CDH7: variants seen among roughly 807,000 people sequenced by gnomAD.
CDH7 encodes cadherin-7.
A neutral mutation model predicts 71.8 loss-of-function variants in CDH7; 25 were observed. The observed-to-expected ratio is 0.35, with a 90% CI of 0.25 to 0.49. The LOEUF (loss-of-function observed/expected upper bound fraction) is 0.49. Ranked by LOEUF, CDH7 falls within the 20% of genes least tolerant of loss-of-function variation. The pLI is 0.99. For synonymous variants in CDH7, 381 were observed against 363.8 expected, an observed-to-expected ratio of 1.05 and a Z score of -0.54; for missense variants, 862 against 974.6, an observed-to-expected ratio of 0.88 and a Z score of 1.54.
At chr18:65,869,265 T>C (rs141057634) in intron 11 of CDH7, among the ~76,000 whole-genome samples, 5 of 151,994 alleles carry the variant, frequency 3.3e-5, no homozygotes, top group African/African-American at 1.2e-4. Flanking sequence ...TCTACCATTC[T>C]CTATCAGAAC....
chr18:65,834,817 C>A (rs566818967), intron 6 of CDH7, among the ~76,000 whole-genome samples: 1 of 152,146 alleles, frequency 6.6e-6, no homozygotes. Context: ...TATTTTGGTT[C>A]ATTTTATCTG....
chr18:65,778,366 G>C (rs1910037655), intron 2 of CDH7, among the ~76,000 whole-genome samples: 1 of 151,094 alleles, frequency 6.6e-6, no homozygotes, highest in African/African-American at 2.4e-5. Context: ...GAACATGATG[G>C]GCTAAATTAC....
Position 65,881,127 on chromosome 18 carries a change from G to C in CDH7, c.*233G>C, listed in dbSNP as rs924774665. The C allele has an allele frequency of 5.2e-5, 20 of 386,718 alleles. No homozygotes were observed. Among genetic ancestry groups the C allele is most frequent in the Non-Finnish European group, 8.7e-5 (19 of 219,400 alleles). 24.0% of individuals were successfully genotyped at this position (386,718 alleles called of 1,614,324 possible). ...TGACCACAGACTCTGAGCATTTGAA[G>C]GTTTTTTGATAAAAATAAATGCTCA... On this transcript the variant is annotated 3_prime_UTR_variant, in exon 12 of 12. Coordinates refer to ENST00000397968, the MANE Select transcript of CDH7 (RefSeq NM_004361.5).
intron 2 of CDH7, among the ~76,000 whole-genome samples, chr18:65,786,411 G>C (rs991162834): frequency 6.6e-6 from 1 of 151,850 alleles, no homozygotes; most frequent in Admixed American, 6.6e-5. Context: ...GCCCACAACC[G>C]CCCCCCCAGT....
intron 2 of CDH7, among the ~76,000 whole-genome samples, chr18:65,779,232 T>C (rs1405011083): frequency 6.2e-5 from 9 of 145,294 alleles, no homozygotes; most frequent in African/African-American, 2.3e-4. Context: ...AATTGGAAGC[T>C]GGAGCCATAA....
chr18:65,820,818 C>T (rs145088452), intron 4 of CDH7, among the ~76,000 whole-genome samples: 382 of 152,176 alleles, frequency 2.5e-3, no homozygotes, highest in Non-Finnish European at 3.7e-3. Flanking sequence ...AAAGCAAACC[C>T]ATGAGAGGAT....
intron 2 of CDH7, 140 bp downstream of exon 2, chr18:65,763,192 T>A (rs577781056): frequency 1.2e-5 from 6 of 497,050 alleles, no homozygotes; most frequent in East Asian, 6.7e-5. Context: ...TGAAAGAGTT[T>A]ATGAAGGTTT....
chr18:65,853,928 T>TATATATATATCC (rs1913247441), intron 7 of CDH7, among the ~76,000 whole-genome samples: 2 of 98,100 alleles, frequency 2.0e-5, no homozygotes, highest in African/African-American at 7.7e-5. Context: ...TATATATATA[T>TATATATATATCC]ATATATATAT....
At chr18:65,872,524 G>A (rs1318458940) in intron 11 of CDH7, among the ~76,000 whole-genome samples, 1 of 152,166 alleles carries the variant, frequency 6.6e-6, no homozygotes, top group African/African-American at 2.4e-5. Context: ...CCTGAAAAGA[G>A]TGGGGATAGC....
chr18:65,803,896 C>G (rs1289296553), intron 2 of CDH7: 1 of 149,616 alleles, frequency 6.7e-6, no homozygotes, highest in Non-Finnish European at 1.5e-5. Context: ...TTTACTTTGC[C>G]ATCATTACTT....
chr18:65,828,705 T>C (rs1408377372), intron 6 of CDH7, among the ~76,000 whole-genome samples: 2 of 152,132 alleles, frequency 1.3e-5, no homozygotes, highest in African/African-American at 4.8e-5. Flanking sequence ...CAGGGGTCAA[T>C]TGTATATTCA....
At chr18:65,827,879 A>T (rs7232924) in intron 6 of CDH7, among the ~76,000 whole-genome samples, 111,149 of 151,742 alleles carry the variant, frequency 0.73, 40,958 homozygotes, top group East Asian at 0.98. Flanking sequence ...TTTGAAATAG[A>T]TAAAGATGTT....
chr18:65,803,024 G>T (rs1488304219), intron 2 of CDH7: 1 of 152,144 alleles, frequency 6.6e-6, no homozygotes, highest in Non-Finnish European at 1.5e-5. Flanking sequence ...TATTAATATG[G>T]ATGGAAATTT....
intron 2 of CDH7, among the ~76,000 whole-genome samples, chr18:65,776,092 T>C (rs1451897760): frequency 6.6e-6 from 1 of 152,206 alleles, no homozygotes; most frequent in East Asian, 1.9e-4. Context: ...TAACTGTTTT[T>C]GAGTAATACT....
intron 2 of CDH7, among the ~76,000 whole-genome samples, chr18:65,781,816 TTCC>T (rs1273998943): frequency 1.5e-4 from 13 of 84,806 alleles, no homozygotes; most frequent in African/African-American, 2.2e-4. Flanking sequence ...CCTTCCTTCC[TTCC>T]TTCTTTCTTT....
intron 6 of CDH7, among the ~76,000 whole-genome samples, chr18:65,835,908 A>C (rs1243948324): frequency 1.3e-5 from 2 of 152,196 alleles, no homozygotes; most frequent in Non-Finnish European, 2.9e-5. Context: ...TACGGAGCTT[A>C]ATGGGAACAT....
intron 1 of CDH7, among the ~76,000 whole-genome samples, chr18:65,755,867 A>G (rs1169724445): frequency 1.3e-5 from 2 of 152,212 alleles, no homozygotes; most frequent in Non-Finnish European, 1.5e-5. Context: ...TTCAGAGAAG[A>G]CAGTGGATGA....
intron 11 of CDH7, among the ~76,000 whole-genome samples, chr18:65,874,651 T>A (rs7241631): frequency 0.094 from 14,235 of 152,004 alleles, 1,157 homozygotes; most frequent in African/African-American, 0.21. Flanking sequence ...AATCTGCACT[T>A]CTACTCCCTA....
intron 2 of CDH7, among the ~76,000 whole-genome samples, chr18:65,775,867 C>A (rs1909922738): frequency 6.6e-6 from 1 of 152,140 alleles, no homozygotes; most frequent in Non-Finnish European, 1.5e-5. Flanking sequence ...TTTCCTTGTT[C>A]TCTCGTCTAT....
Sources: gnomAD v4.1 joint callset for allele counts (sites outside exome capture counted in the v4.1 genomes callset) on GRCh38, gnomAD v4.1.1 for gene constraint, MANE v1.5 for transcripts, NCBI Gene and HGNC (gene_info 2026-07-23, HGNC 2026-07-21) for gene names.